The following FBXL17 variants were observed in gnomAD, a reference collection of about 807,000 sequenced individuals.
FBXL17 encodes the protein F-box and leucine rich repeat protein 17.
Under a neutral mutation model 66.2 loss-of-function variants are expected in FBXL17, and 22 were observed. The ratio of observed to expected loss-of-function variants is 0.33; its 90% CI spans 0.24 to 0.47. The LOEUF is 0.47. FBXL17 is among the 20% of genes least tolerant of loss of function. The pLI is 1.00. For synonymous variants in FBXL17, 474 were observed against 400.5 expected, an observed-to-expected ratio of 1.18 and a Z score of -2.19; for missense variants, 878 against 948.2, an observed-to-expected ratio of 0.93 and a Z score of 0.97.
At chr5:107,949,446 T>C (rs991888231) in intron 7 of FBXL17, among the ~76,000 whole-genome samples, 1 of 152,202 alleles carries the variant, frequency 6.6e-6, no homozygotes, top group Admixed American at 6.5e-5. Flanking sequence ...ATATTTCAAA[T>C]ATTTGAAAAA....
chr5:108,166,872 A>T (rs1752434694), intron 6 of FBXL17, among the ~76,000 whole-genome samples: 2 of 152,232 alleles, frequency 1.3e-5, no homozygotes, highest in Admixed American at 1.3e-4. Context: ...AATAATTTGA[A>T]TTTCACTGAA....
At chr5:107,942,480 A>G (rs1332176105) in intron 7 of FBXL17, among the ~76,000 whole-genome samples, 1 of 152,106 alleles carries the variant, frequency 6.6e-6, no homozygotes, top group East Asian at 1.9e-4. Context: ...TCTCTTCCTC[A>G]CTATCTAATC....
chr5:107,989,650 T>C (rs1580293631), intron 7 of FBXL17, among the ~76,000 whole-genome samples: 1 of 152,168 alleles, frequency 6.6e-6, no homozygotes, highest in Admixed American at 6.6e-5. Context: ...CTTGGATATA[T>C]ACCCAGCTGT....
intron 7 of FBXL17, among the ~76,000 whole-genome samples, chr5:107,943,602 T>C (rs1043420189): frequency 6.6e-6 from 1 of 151,848 alleles, no homozygotes; most frequent in Non-Finnish European, 1.5e-5. Context: ...TCTTCCCTTC[T>C]TCAACGCATC....
intron 7 of FBXL17, 163 bp downstream of exon 7, chr5:108,020,762 T>C: frequency 1.9e-6 from 1 of 533,432 alleles, no homozygotes. Context: ...CTCTGGTTCT[T>C]AGCTCATAAT....
chr5:108,330,690 T>C (rs1473620501), intron 4 of FBXL17, among the ~76,000 whole-genome samples: 1 of 152,080 alleles, frequency 6.6e-6, no homozygotes, highest in Non-Finnish European at 1.5e-5. Context: ...GTTTTATACA[T>C]ACACACATAC....
rs1342264454 is a variant in FBXL17, at chr5:108,263,967, G to A, written c.1507-39739C>T. Among the ~76,000 whole-genome samples the A allele has an allele frequency of 4.6e-5, 7 of 152,160 alleles. No homozygotes were observed. The East Asian group carries it at 1.4e-3, about 29-fold the overall frequency. On this transcript the variant is annotated intron_variant, in intron 4 of 8. Transcript: ENST00000542267. ...GCAGTGGCTCACGCCTGTAATCCCA[G>A]CACTTTGGGAGGCCGAGGCGGGTAG...
At chr5:108,103,212 A>G (rs1749666580) in intron 6 of FBXL17, among the ~76,000 whole-genome samples, 1 of 152,230 alleles carries the variant, frequency 6.6e-6, no homozygotes, top group South Asian at 2.1e-4. Flanking sequence ...CAATCAGAGC[A>G]AAAGAGACCC....
intron 4 of FBXL17, among the ~76,000 whole-genome samples, chr5:108,274,718 TA>T (rs1757415709): frequency 6.6e-6 from 1 of 152,186 alleles, no homozygotes; most frequent in Non-Finnish European, 1.5e-5. Flanking sequence ...GGCATAAGTA[TA>T]AAAGTATTAA....
intron 5 of FBXL17, among the ~76,000 whole-genome samples, chr5:108,191,704 G>A (rs1753477211): frequency 6.6e-6 from 1 of 152,060 alleles, no homozygotes; most frequent in African/African-American, 2.4e-5. Context: ...TTGCATCCAG[G>A]CCTACTCCTC....
chr5:108,245,379 TA>T (rs200499083), intron 4 of FBXL17, among the ~76,000 whole-genome samples: 13 of 151,066 alleles, frequency 8.6e-5, no homozygotes, highest in Middle Eastern at 3.4e-3. Flanking sequence ...AATTACTTGT[TA>T]AAAAAAAACA....
chr5:108,028,661 A>G (rs1022192403), intron 6 of FBXL17, among the ~76,000 whole-genome samples: 1 of 152,248 alleles, frequency 6.6e-6, no homozygotes, highest in Non-Finnish European at 1.5e-5. Context: ...GATGTTCAAC[A>G]CAGACCTCCC....
At chr5:107,911,655 C>A (rs1396966632) in intron 7 of FBXL17, among the ~76,000 whole-genome samples, 1 of 152,076 alleles carries the variant, frequency 6.6e-6, no homozygotes, top group Non-Finnish European at 1.5e-5. Flanking sequence ...GAATTCAAAT[C>A]TCAACTGTTA....
At chr5:108,165,132 G>A (rs1010750873) in intron 6 of FBXL17, among the ~76,000 whole-genome samples, 5 of 152,150 alleles carry the variant, frequency 3.3e-5, no homozygotes, top group African/African-American at 1.2e-4. Context: ...GAAATAGTCA[G>A]AATGTCTATT....
At chr5:108,209,162 G>T (rs1474516789) in intron 5 of FBXL17, among the ~76,000 whole-genome samples, 1 of 152,140 alleles carries the variant, frequency 6.6e-6, no homozygotes, top group East Asian at 1.9e-4. Context: ...CATTGATTTT[G>T]TATCCTGAGA....
chr5:108,126,280 C>T lies in FBXL17; in HGVS notation c.1745+59837G>A, dbSNP rs765603583. Among the ~76,000 whole-genome samples, 59 of 152,074 alleles carry T rather than the reference C, an allele frequency of 3.9e-4. 1 individual carries two copies. The highest frequency in any genetic ancestry group is 7.8e-4 in the Non-Finnish European group (53 of 67,976). ...GGCATATGAGACATCGGTCCAAAGG[C>T]ACATTTTCTTAGAAACTATTTTGGA... On this transcript the variant is annotated intron_variant, in intron 6 of 8. Coordinates refer to ENST00000542267, the MANE Select transcript of FBXL17 (RefSeq NM_001163315.3).
At chr5:108,210,197 T>C (rs1754305727) in intron 5 of FBXL17, among the ~76,000 whole-genome samples, 1 of 152,202 alleles carries the variant, frequency 6.6e-6, no homozygotes, top group Admixed American at 6.5e-5. Context: ...TTGATCCTTC[T>C]CTCTTTTTTC....
chr5:107,942,946 A>C (rs1451033287), intron 7 of FBXL17, among the ~76,000 whole-genome samples: 1 of 151,806 alleles, frequency 6.6e-6, no homozygotes, highest in African/African-American at 2.4e-5. Context: ...TTCCAAATAC[A>C]ATGGACACTT....
intron 6 of FBXL17, among the ~76,000 whole-genome samples, chr5:108,181,949 T>A (rs1753020044): frequency 6.6e-6 from 1 of 152,096 alleles, no homozygotes; most frequent in Admixed American, 6.6e-5. Context: ...GTCAAAGAAA[T>A]GGTCTAAATT....
Sources: allele counts gnomAD v4.1 joint callset (sites outside exome capture counted in the v4.1 genomes callset), GRCh38; gene constraint gnomAD v4.1.1; transcripts MANE v1.5; gene names NCBI Gene and HGNC (gene_info 2026-07-23, HGNC 2026-07-21).